Variants in RIGI observed in about 807,000 individuals in gnomAD.
RIGI encodes the protein antiviral innate immune response receptor RIG-I.
the RIGI span, chr9:32,467,915 G>A: frequency 5.1e-5 from 81 of 1,595,258 alleles, no homozygotes; most frequent in Non-Finnish European, 6.7e-5. Flanking sequence ...ATACACTTCT[G>A]TGCCGGGAGG....
At chr9:32,476,120 G>T in the RIGI span, among the ~76,000 whole-genome samples, 1 of 151,992 alleles carries the variant, frequency 6.6e-6, no homozygotes, top group Non-Finnish European at 1.5e-5. Context: ...CTCTAATGAG[G>T]TATCATTACC....
At chr9:32,502,966 C>T in the RIGI span, among the ~76,000 whole-genome samples, 1 of 152,194 alleles carries the variant, frequency 6.6e-6, no homozygotes, top group Non-Finnish European at 1.5e-5. Flanking sequence ...CAATAAATCA[C>T]ATTCTGAAGT....
the RIGI span, among the ~76,000 whole-genome samples, chr9:32,510,020 T>C: frequency 6.6e-6 from 1 of 151,674 alleles, no homozygotes; most frequent in African/African-American, 2.4e-5. Flanking sequence ...AAATAAAGCA[T>C]GAAGACAAGA....
the RIGI span, among the ~76,000 whole-genome samples, chr9:32,462,818 G>C: frequency 6.6e-6 from 1 of 152,170 alleles, no homozygotes; most frequent in Non-Finnish European, 1.5e-5. Flanking sequence ...CAATAGGCGT[G>C]AGCCATCATG....
At chr9:32,480,329 C>T in the RIGI span, 1 of 1,605,102 alleles carries the variant, frequency 6.2e-7, no homozygotes, top group Non-Finnish European at 8.5e-7. Flanking sequence ...TGCATGCTCA[C>T]TGATAATGAG....
At chr9:32,517,292 G>A in the RIGI span, among the ~76,000 whole-genome samples, 1 of 152,160 alleles carries the variant, frequency 6.6e-6, no homozygotes, top group East Asian at 1.9e-4. Context: ...TTAGCCATGT[G>A]GACTTGGTTG....
At chr9:32,480,100 C>G in the RIGI span, 2 of 1,125,194 alleles carry the variant, frequency 1.8e-6, no homozygotes, top group South Asian at 3.7e-5. Flanking sequence ...CTTCCTACAT[C>G]CAGGACAACT....
chr9:32,477,182 A>T, the RIGI span: 1 of 1,601,674 alleles, frequency 6.2e-7, no homozygotes, highest in Non-Finnish European at 8.5e-7. Flanking sequence ...AAAAATTTAG[A>T]ACACACTGTG....
the RIGI span, among the ~76,000 whole-genome samples, chr9:32,459,056 C>T: frequency 6.6e-6 from 1 of 151,870 alleles, no homozygotes; most frequent in South Asian, 2.1e-4. Flanking sequence ...GCCCAGCTAA[C>T]TTTTTTATTT....
the RIGI span, among the ~76,000 whole-genome samples, chr9:32,472,571 T>G: frequency 6.6e-6 from 1 of 152,206 alleles, no homozygotes; most frequent in Non-Finnish European, 1.5e-5. Context: ...GGTGAGCCTT[T>G]TAAAAGACGG....
chr9:32,522,866 G>A, the RIGI span, among the ~76,000 whole-genome samples: 24 of 152,148 alleles, frequency 1.6e-4, 1 homozygote, highest in East Asian at 3.7e-3. Context: ...CAATTCTTTC[G>A]AATAAACATG....
chr9:32,484,359 A>G, the RIGI span, among the ~76,000 whole-genome samples: 2 of 152,154 alleles, frequency 1.3e-5, no homozygotes, highest in East Asian at 3.9e-4. Flanking sequence ...GAAAAGCAAA[A>G]TAAGTGTGAG....
chr9:32,510,516 T>C, the RIGI span, among the ~76,000 whole-genome samples: 1 of 152,082 alleles, frequency 6.6e-6, no homozygotes, highest in Non-Finnish European at 1.5e-5. Flanking sequence ...AGAAATAAAA[T>C]CCTTTACAGA....
the RIGI span, among the ~76,000 whole-genome samples, chr9:32,509,090 G>A: frequency 6.6e-6 from 1 of 152,170 alleles, no homozygotes; most frequent in African/African-American, 2.4e-5. Flanking sequence ...AAAAAAGCCA[G>A]CAGCCCCACT....
At chr9:32,505,944 C>T in the RIGI span, among the ~76,000 whole-genome samples, 1 of 152,088 alleles carries the variant, frequency 6.6e-6, no homozygotes, top group South Asian at 2.1e-4. Context: ...AGGCCAGGCG[C>T]GGTGGCTCAT....
At chr9:32,483,458 G>T in the RIGI span, among the ~76,000 whole-genome samples, 13 of 152,226 alleles carry the variant, frequency 8.5e-5, no homozygotes, top group African/African-American at 2.9e-4. Flanking sequence ...GCAGGGTACG[G>T]GAGGTGGGAG....
the RIGI span, chr9:32,492,350 C>A: frequency 1.2e-6 from 2 of 1,607,226 alleles, no homozygotes; most frequent in Non-Finnish European, 1.7e-6. Flanking sequence ...TTGGAATGAG[C>A]GAGTCCTAAG....
the RIGI span, chr9:32,476,911 C>A: frequency 7.5e-7 from 1 of 1,339,098 alleles, no homozygotes. Context: ...CGTGAGACAC[C>A]ATACCCAGCC....
At chr9:32,477,822 G>A in the RIGI span, among the ~76,000 whole-genome samples, 1 of 151,982 alleles carries the variant, frequency 6.6e-6, no homozygotes, top group Non-Finnish European at 1.5e-5. Flanking sequence ...CTCCTCAGGA[G>A]GATGAGGCAG....
Sources: gnomAD v4.1 joint callset for allele counts (sites outside exome capture counted in the v4.1 genomes callset) on GRCh38, gnomAD v4.1.1 for gene constraint, MANE v1.5 for transcripts, NCBI Gene and HGNC (gene_info 2026-07-23, HGNC 2026-07-21) for gene names.